Variants in AOX1 observed in about 807,000 individuals in gnomAD.
AOX1 encodes aldehyde oxidase 1, also known as aldehyde oxidase.
AOX1 carries 153 observed loss-of-function variants against 169.5 expected under a neutral mutation model. The ratio of observed to expected loss-of-function variants is 0.90; its 90% CI spans 0.79 to 1.03. The LOEUF is 1.03. AOX1 is among the 50% of genes least tolerant of loss of function. The pLI is 0.00. For missense variants in AOX1, 1,656 were observed against 1,663.9 expected (o/e 1.00, Z 0.08); for synonymous variants, 562 against 581.9 (o/e 0.97, Z 0.49).
intron 27 of AOX1, among the ~76,000 whole-genome samples, chr2:200,658,931 T>C (rs1427743763): frequency 6.6e-6 from 1 of 152,218 alleles, no homozygotes; most frequent in Non-Finnish European, 1.5e-5. Flanking sequence ...CTCCTCTTTC[T>C]GACACTATCA....
chr2:200,654,856 G>A (rs1199522688), intron 26 of AOX1, among the ~76,000 whole-genome samples: 2 of 152,222 alleles, frequency 1.3e-5, no homozygotes, highest in Admixed American at 1.3e-4. Context: ...ACAATGAGCT[G>A]TACAGTGGTG....
chr2:200,631,434 T>C (rs2105735618), intron 20 of AOX1, among the ~76,000 whole-genome samples: 1 of 152,360 alleles, frequency 6.6e-6, no homozygotes. Context: ...GAGATGATTT[T>C]CCCCACAACC....
chr2:200,653,026 A>T (rs78813686), intron 26 of AOX1, among the ~76,000 whole-genome samples: 1 of 152,210 alleles, frequency 6.6e-6, no homozygotes, highest in South Asian at 2.1e-4. Flanking sequence ...TATAAAAAAA[A>T]TCTAGGCTTA....
intron 33 of AOX1, 76 bp from the exon 34 acceptor site, chr2:200,669,499 A>C: frequency 6.8e-7 from 1 of 1,468,590 alleles, no homozygotes. Flanking sequence ...TTATATATGC[A>C]CATATGCTAT....
At chr2:200,663,572 A>ACTCTCTCTCTCTCTCTCT (rs1226325589) in intron 31 of AOX1, among the ~76,000 whole-genome samples, 1 of 105,152 alleles carries the variant, frequency 9.5e-6, no homozygotes, top group African/African-American at 3.8e-5. Context: ...ACACACACAC[A>ACTCTCTCTCTCTCTCTCT]CTCTCTCTCT....
At chr2:200,631,440 C>T (rs930998593) in intron 20 of AOX1, among the ~76,000 whole-genome samples, 13 of 152,232 alleles carry the variant, frequency 8.5e-5, no homozygotes, top group African/African-American at 2.9e-4. Context: ...ATTTTCCCCA[C>T]AACCTATCCT....
chr2:200,653,220 G>A (rs1038236116), intron 26 of AOX1, among the ~76,000 whole-genome samples: 3 of 152,200 alleles, frequency 2.0e-5, no homozygotes, highest in South Asian at 2.1e-4. Flanking sequence ...GCAACAGCCA[G>A]CAGTACAAAT....
chr2:200,618,356 A>G (rs1200699744), intron 16 of AOX1, among the ~76,000 whole-genome samples: 2 of 152,228 alleles, frequency 1.3e-5, no homozygotes, highest in African/African-American at 2.4e-5. Context: ...ATGCTTATCA[A>G]CAGTGTTTAT....
At position 200,613,661 on chromosome 2, in the gene AOX1, G is replaced by A. The variant is rs1041452266; in HGVS notation, c.1449-143G>A. ...AGGCTAGCCACCTTGAGAATGGTGGGCCAATTTGAACTCGGGCTGCCTGAT... is the reference window on the plus strand; with the variant it reads ...AGGCTAGCCACCTTGAGAATGGTGGACCAATTTGAACTCGGGCTGCCTGAT... On this transcript the variant is annotated intron_variant, in intron 14 of 34. Coordinates refer to ENST00000374700, the MANE Select transcript of AOX1 (RefSeq NM_001159.4). 1.4e-5 allele frequency: 10 copies of A among 737,714 alleles called. No homozygotes were observed. The African/African-American group carries it at 1.6e-4, about 12-fold the overall frequency. 45.7% of individuals were successfully genotyped at this position (737,714 alleles called of 1,614,324 possible).
At chr2:200,661,899 G>T (rs1574961757) in intron 30 of AOX1, among the ~76,000 whole-genome samples, 2 of 152,186 alleles carry the variant, frequency 1.3e-5, no homozygotes, top group South Asian at 4.2e-4. Flanking sequence ...GTATTATAAG[G>T]CTCTCTGTGG....
intron 20 of AOX1, among the ~76,000 whole-genome samples, chr2:200,630,766 C>A (rs1055399677): frequency 6.6e-6 from 1 of 152,066 alleles, no homozygotes; most frequent in African/African-American, 2.4e-5. Context: ...TATTTCAATG[C>A]GAGGTAATTG....
Position 200,638,573 on chromosome 2 carries a change from G to A in AOX1, c.2568+271G>A, listed in dbSNP as rs184727817. Among the ~76,000 whole-genome samples the A allele has an allele frequency of 1.4e-3, 209 of 152,298 alleles. 2 individuals carry two copies. The highest frequency in any genetic ancestry group is 0.013 in the Admixed American group (195 of 15,294). ...TGTACAGAGCAAATAACTAGAAAAC[G>A]TGAGTGTGTACGCCATTAAAGTAGA... On this transcript the variant is annotated intron_variant, in intron 23 of 34. Transcript: ENST00000374700.
intron 1 of AOX1, among the ~76,000 whole-genome samples, chr2:200,586,473 C>T (rs1248509560): frequency 6.6e-6 from 1 of 152,188 alleles, no homozygotes; most frequent in South Asian, 2.1e-4. Flanking sequence ...GTATTCTTGC[C>T]CATCAGGGGT....
At chr2:200,646,391 T>C (rs2035452818) in intron 25 of AOX1, among the ~76,000 whole-genome samples, 1 of 152,200 alleles carries the variant, frequency 6.6e-6, no homozygotes, top group Non-Finnish European at 1.5e-5. Flanking sequence ...TTGGAACTGA[T>C]TTCCAGTTTT....
chr2:200,597,976 G>C (rs1432610786), intron 4 of AOX1, among the ~76,000 whole-genome samples: 1 of 152,068 alleles, frequency 6.6e-6, no homozygotes, highest in Non-Finnish European at 1.5e-5. Flanking sequence ...GTGTGGTGGT[G>C]AGCACCTATA....
chr2:200,665,056 G>C (rs1477929430), intron 31 of AOX1, among the ~76,000 whole-genome samples: 1 of 152,226 alleles, frequency 6.6e-6, no homozygotes, highest in East Asian at 1.9e-4. Context: ...CTGGCTGTTG[G>C]CCAGAGGCCT....
intron 31 of AOX1, among the ~76,000 whole-genome samples, chr2:200,664,931 G>A (rs1279878704): frequency 2.6e-5 from 4 of 152,166 alleles, no homozygotes; most frequent in Non-Finnish European, 1.5e-5. Flanking sequence ...GATTCTGCAT[G>A]AGGCTTGTCA....
At chr2:200,593,042 T>G in intron 1 of AOX1, 104 bp from the exon 2 acceptor site, 1 of 857,200 alleles carries the variant, frequency 1.2e-6, no homozygotes, top group Middle Eastern at 2.2e-4. Context: ...AAAATATGAG[T>G]AAAAGGGCTA....
intron 1 of AOX1, among the ~76,000 whole-genome samples, chr2:200,590,554 A>G (rs748228168): frequency 1.2e-4 from 18 of 152,108 alleles, no homozygotes; most frequent in Admixed American, 4.6e-4. Context: ...TACAACCCTC[A>G]CTACATCAAA....
Sources: gnomAD v4.1 joint callset for allele counts (sites outside exome capture counted in the v4.1 genomes callset) on GRCh38, gnomAD v4.1.1 for gene constraint, MANE v1.5 for transcripts, NCBI Gene and HGNC (gene_info 2026-07-23, HGNC 2026-07-21) for gene names.